Variants in ALPK1 observed in about 807,000 individuals in gnomAD.
The protein encoded by ALPK1 is alpha kinase 1, also known as alpha-protein kinase 1.
Under a neutral mutation model 120.6 loss-of-function variants are expected in ALPK1, and 110 were observed. That is an observed-to-expected ratio of 0.91 (90% confidence interval 0.78 to 1.07). The LOEUF is 1.07. Among genes scored for constraint, ALPK1 ranks in the 50% least tolerant of loss-of-function variants. ALPK1 has a pLI of 0.00. For missense variants in ALPK1, 1,498 were observed against 1,483.9 expected (o/e 1.01, Z -0.16); for synonymous variants, 582 against 560.3 (o/e 1.04, Z -0.55).
intron 2 of ALPK1, among the ~76,000 whole-genome samples, chr4:112,366,269 G>A: frequency 6.6e-6 from 1 of 151,762 alleles, no homozygotes; most frequent in East Asian, 1.9e-4. Context: ...AGAGTAAACA[G>A]ACAACCTTGA....
chr4:112,434,552 C>G (rs902038366), intron 11 of ALPK1, among the ~76,000 whole-genome samples: 2 of 152,222 alleles, frequency 1.3e-5, no homozygotes, highest in Admixed American at 1.3e-4. Context: ...CACTGTTCTT[C>G]CTTTCTATAA....
intron 2 of ALPK1, among the ~76,000 whole-genome samples, chr4:112,339,049 G>T (rs528909146): frequency 6.6e-6 from 1 of 152,302 alleles, no homozygotes; most frequent in Admixed American, 6.5e-5. Flanking sequence ...TCTTTACTCT[G>T]CATGCATCTT....
chr4:112,379,877 T>C (rs1394188582), intron 3 of ALPK1, among the ~76,000 whole-genome samples: 1 of 152,154 alleles, frequency 6.6e-6, no homozygotes, highest in Non-Finnish European at 1.5e-5. Flanking sequence ...CAGGACATTC[T>C]GACGTGAGGT....
At chr4:112,430,024 C>T (rs1232947900) in intron 10 of ALPK1, among the ~76,000 whole-genome samples, 2 of 152,128 alleles carry the variant, frequency 1.3e-5, no homozygotes, top group African/African-American at 4.8e-5. Context: ...CATTCGGAAA[C>T]CAATGCCCTA....
At chr4:112,335,275 A>AG (rs1729563194) in intron 2 of ALPK1, among the ~76,000 whole-genome samples, 1 of 152,154 alleles carries the variant, frequency 6.6e-6, no homozygotes, top group Non-Finnish European at 1.5e-5. Context: ...AAAAAAAAAA[A>AG]AAAAAAGATA....
intron 2 of ALPK1, chr4:112,358,400 G>C (rs763713783): frequency 1.6e-6 from 1 of 627,052 alleles, no homozygotes; most frequent in Non-Finnish European, 2.9e-6. Context: ...GCGTGAGGCA[G>C]AAGATGCTGT....
chr4:112,431,286 C>T lies in ALPK1; in HGVS notation c.1739C>T (p.Ser580Phe). 1 of 1,614,186 alleles carries T rather than the reference C, an allele frequency of 6.2e-7. No individual in the cohort carries two copies. Among genetic ancestry groups the T allele is most frequent in the Non-Finnish European group, 8.5e-7 (1 of 1,180,044 alleles). The part of the protein sequence containing the change: ...FNKSLSGSQT[S>F]SAWSNLSGFS... Reference sequence around the variant, plus strand: ...AAGTCTCTGAGTGGCAGCCAGACTTCCAGTGCTTGGAGCAACTTATCAGGG... The same window carrying T: ...AAGTCTCTGAGTGGCAGCCAGACTTTCAGTGCTTGGAGCAACTTATCAGGG... Residue 580 changes from serine to phenylalanine, a missense_variant, in exon 11 of 16, where the codon TCC becomes TTC. Transcript: ENST00000650871.
intron 4 of ALPK1, among the ~76,000 whole-genome samples, chr4:112,392,492 T>C (rs1184571423): frequency 2.0e-5 from 3 of 152,226 alleles, no homozygotes; most frequent in African/African-American, 7.2e-5. Context: ...ATTAGGTTAG[T>C]GAAAATGTAA....
At chr4:112,409,539 G>A (rs915212662) in intron 4 of ALPK1, among the ~76,000 whole-genome samples, 1 of 151,684 alleles carries the variant, frequency 6.6e-6, no homozygotes, top group Non-Finnish European at 1.5e-5. Context: ...TTATATAGAC[G>A]TCCCCATTTA....
intron 1 of ALPK1, among the ~76,000 whole-genome samples, chr4:112,308,852 C>G (rs530163667): frequency 6.6e-6 from 1 of 152,202 alleles, no homozygotes; most frequent in East Asian, 1.9e-4. Flanking sequence ...AGCTTTTCTG[C>G]TCTGTTTTTT....
chr4:112,343,419 CTA>C (rs1318629903), intron 2 of ALPK1: 7 of 152,104 alleles, frequency 4.6e-5, no homozygotes, highest in African/African-American at 1.7e-4. Context: ...TGCTTTGTGA[CTA>C]GTGAATGCAC....
At chr4:112,416,384 G>GA (rs1275897146) in intron 5 of ALPK1, among the ~76,000 whole-genome samples, 2 of 152,012 alleles carry the variant, frequency 1.3e-5, no homozygotes, top group Non-Finnish European at 2.9e-5. Context: ...GAAAATTATG[G>GA]AACTGGAAAC....
chr4:112,302,054 C>T (rs1258933395), intron 1 of ALPK1, among the ~76,000 whole-genome samples: 2 of 151,778 alleles, frequency 1.3e-5, no homozygotes, highest in Non-Finnish European at 2.9e-5. Flanking sequence ...GGGTCTAGCT[C>T]TCAAATTTTA....
chr4:112,314,173 G>A (rs1281912985), intron 1 of ALPK1, among the ~76,000 whole-genome samples: 4 of 152,196 alleles, frequency 2.6e-5, no homozygotes, highest in African/African-American at 4.8e-5. Flanking sequence ...GACAGAGTAT[G>A]GGATGCAGCT....
intron 2 of ALPK1, among the ~76,000 whole-genome samples, chr4:112,328,509 T>C (rs1729215523): frequency 6.6e-6 from 1 of 152,206 alleles, no homozygotes; most frequent in South Asian, 2.1e-4. Flanking sequence ...CATTGTTGAG[T>C]ATTTGTTCTT....
chr4:112,379,706 TCTC>T (rs750011445), intron 3 of ALPK1, among the ~76,000 whole-genome samples: 1 of 152,202 alleles, frequency 6.6e-6, no homozygotes, highest in Non-Finnish European at 1.5e-5. Context: ...AGGTTTTTCT[TCTC>T]CTTCCTCCTC....
At chr4:112,355,303 G>A (rs1440690241) in intron 2 of ALPK1, among the ~76,000 whole-genome samples, 1 of 152,174 alleles carries the variant, frequency 6.6e-6, no homozygotes, top group African/African-American at 2.4e-5. Context: ...AAAATTATAT[G>A]TTTCAAGTCT....
At chr4:112,389,352 C>G (rs1732302276) in intron 4 of ALPK1, among the ~76,000 whole-genome samples, 1 of 152,306 alleles carries the variant, frequency 6.6e-6, no homozygotes, top group South Asian at 2.1e-4. Context: ...CCTGTGCTGG[C>G]TTTTAAGATG....
intron 1 of ALPK1, among the ~76,000 whole-genome samples, chr4:112,306,476 G>T (rs1728064880): frequency 6.6e-6 from 1 of 152,116 alleles, no homozygotes; most frequent in Non-Finnish European, 1.5e-5. Context: ...GTTTAATCTT[G>T]GGAGGGTGTA....
Sources: gnomAD v4.1 joint callset for allele counts (sites outside exome capture counted in the v4.1 genomes callset) on GRCh38, gnomAD v4.1.1 for gene constraint, MANE v1.5 for transcripts, NCBI Gene and HGNC (gene_info 2026-07-23, HGNC 2026-07-21) for gene names.